The following PDE3A variants were observed in gnomAD, a reference collection of about 807,000 sequenced individuals.
The protein encoded by PDE3A is phosphodiesterase 3A, also known as cGMP-inhibited 3',5'-cyclic phosphodiesterase 3A.
A neutral mutation model predicts 98.3 loss-of-function variants in PDE3A; 43 were observed. That is an observed-to-expected ratio of 0.44 (90% CI 0.34 to 0.56). The LOEUF is 0.56. Ranked by LOEUF, PDE3A falls within the 20% of genes least tolerant of loss-of-function variation. The pLI is 0.01. For synonymous variants in PDE3A, 663 were observed against 567.9 expected (o/e 1.17, Z -2.38); for missense variants, 1,427 against 1,440.7 (o/e 0.99, Z 0.15).
At chr12:20,455,251 G>A (rs1050168726) in intron 1 of PDE3A, among the ~76,000 whole-genome samples, 2 of 152,088 alleles carry the variant, frequency 1.3e-5, no homozygotes, top group African/African-American at 4.8e-5. Flanking sequence ...GTGGCCACGT[G>A]TACGTCTTCT....
chr12:20,399,684 A>G (rs1262284679), intron 1 of PDE3A, among the ~76,000 whole-genome samples: 1 of 152,210 alleles, frequency 6.6e-6, no homozygotes, highest in Non-Finnish European at 1.5e-5. Flanking sequence ...TAAATAACAC[A>G]TTTATTTCAA....
At chr12:20,372,252 C>T (rs775453993) in intron 1 of PDE3A, among the ~76,000 whole-genome samples, 2 of 152,018 alleles carry the variant, frequency 1.3e-5, no homozygotes, top group Non-Finnish European at 1.5e-5. Context: ...AATGCATAAT[C>T]GCAATCTATT....
At chr12:20,525,094 G>A (rs1047086150) in intron 1 of PDE3A, among the ~76,000 whole-genome samples, 1 of 152,150 alleles carries the variant, frequency 6.6e-6, no homozygotes, top group Non-Finnish European at 1.5e-5. Flanking sequence ...ATCCACCATT[G>A]CACTCCAGCC....
chr12:20,568,824 T>A (rs551650254), intron 2 of PDE3A, among the ~76,000 whole-genome samples: 10 of 152,106 alleles, frequency 6.6e-5, no homozygotes, highest in African/African-American at 2.4e-4. Flanking sequence ...TTTTGGGAAT[T>A]TAGAGAATAT....
chr12:20,646,664 T>A (rs1038286942), intron 11 of PDE3A, 61 bp downstream of exon 11: 2 of 1,433,690 alleles, frequency 1.4e-6, no homozygotes, highest in African/African-American at 1.4e-5. Flanking sequence ...GTTTTTGTTT[T>A]TGTTTTTTTT....
intron 1 of PDE3A, among the ~76,000 whole-genome samples, chr12:20,479,359 C>T (rs1322095507): frequency 1.3e-5 from 2 of 152,188 alleles, no homozygotes; most frequent in African/African-American, 2.4e-5. Flanking sequence ...CGTGATTGTA[C>T]TAGTAAGCCC....
intron 1 of PDE3A, among the ~76,000 whole-genome samples, chr12:20,541,903 A>G (rs2121221896): frequency 6.6e-6 from 1 of 152,262 alleles, no homozygotes; most frequent in East Asian, 1.9e-4. Flanking sequence ...TACTTTCTTC[A>G]GCATTTAAGA....
chr12:20,642,583 T>G (rs958199363), intron 10 of PDE3A, among the ~76,000 whole-genome samples: 2 of 152,228 alleles, frequency 1.3e-5, no homozygotes, highest in African/African-American at 2.4e-5. Context: ...AAGAGTTTCC[T>G]CTCTAAAGCA....
At chr12:20,594,981 A>G (rs1431446418) in intron 2 of PDE3A, among the ~76,000 whole-genome samples, 1 of 152,142 alleles carries the variant, frequency 6.6e-6, no homozygotes, top group African/African-American at 2.4e-5. Flanking sequence ...TATATTATAT[A>G]TATACAGTTG....
In PDE3A at chr12:20,653,929, C is replaced by T. The variant is rs1431596992; in HGVS notation, c.2926-18C>T. 6.2e-7 allele frequency: 1 copy of T among 1,609,932 alleles called. No individual in the cohort carries two copies. Among genetic ancestry groups the T allele is most frequent in the South Asian group, 1.1e-5 (1 of 90,554 alleles). ...AGATGCCAGGTGAATGTTGACTTCACTTGTATTTTATTTCTAGGGTGATGA... is the reference window on the plus strand; with the variant it reads ...AGATGCCAGGTGAATGTTGACTTCATTTGTATTTTATTTCTAGGGTGATGA... On this transcript the variant is annotated intron_variant, in intron 14 of 15. Coordinates refer to ENST00000359062, the MANE Select transcript of PDE3A (RefSeq NM_000921.5).
chr12:20,663,541 A>G (rs546825610), intron 15 of PDE3A, among the ~76,000 whole-genome samples: 1 of 152,298 alleles, frequency 6.6e-6, no homozygotes, highest in East Asian at 1.9e-4. Flanking sequence ...GATATGAGAC[A>G]TGGAGTCAAA....
At chr12:20,662,554 G>C (rs1228518510) in intron 15 of PDE3A, among the ~76,000 whole-genome samples, 1 of 152,168 alleles carries the variant, frequency 6.6e-6, no homozygotes, top group Non-Finnish European at 1.5e-5. Flanking sequence ...GGAAACTGGT[G>C]GCATTTTGCT....
At position 20,616,279 on chromosome 12, in the gene PDE3A, C is replaced by G. The variant is rs1473450870; in HGVS notation, c.1319C>G (p.Thr440Ser). 1 of 1,613,962 alleles carries G rather than the reference C, an allele frequency of 6.2e-7. No individual in the cohort carries two copies. Among genetic ancestry groups the G allele is most frequent in the South Asian group, 1.1e-5 (1 of 91,078 alleles). ...PPGLLRRVSS[T>S]WTTTTSATGL... The stretch of plus-strand genomic sequence containing the variant: ...GGCTTGTTGAGACGAGTTTCTTCCA[C>G]TTGGACCACCACCACCTCGGCCACA... The change falls in exon 4 of 16, where the codon ACT becomes AGT. Residue 440 changes from threonine to serine, a missense_variant. Coordinates refer to ENST00000359062, the MANE Select transcript of PDE3A (RefSeq NM_000921.5).
rs998749986 is a variant in PDE3A, at chr12:20,680,916, G to A, written c.*645G>A. On this transcript the variant is annotated 3_prime_UTR_variant, in exon 16 of 16. Transcript: ENST00000359062. ...GGTTTGAGAGGGTGCTTGTGTGCATGTGTGTGCATATGTAAAGAGATTTTT... is the reference window on the plus strand; with the variant it reads ...GGTTTGAGAGGGTGCTTGTGTGCATATGTGTGCATATGTAAAGAGATTTTT... The A allele has an allele frequency of 6.5e-6, 1 of 152,866 alleles. No homozygotes were observed. The highest frequency in any genetic ancestry group is 2.4e-5 in the African/African-American group (1 of 41,388). The allele number at this position is 152,866 out of a possible 1,614,324, so 9.5% of individuals were successfully genotyped here.
intron 1 of PDE3A, among the ~76,000 whole-genome samples, chr12:20,508,415 GTT>G (rs76021385): frequency 7.3e-6 from 1 of 137,746 alleles, no homozygotes; most frequent in Non-Finnish European, 1.6e-5. Context: ...TACCTGGTTT[GTT>G]TTTTTTTTTT....
intron 2 of PDE3A, among the ~76,000 whole-genome samples, chr12:20,607,864 A>AAACTT (rs1943750337): frequency 6.6e-6 from 1 of 152,158 alleles, no homozygotes; most frequent in African/African-American, 2.4e-5. Context: ...GCTTTTATAT[A>AAACTT]AACTTAACAT....
chr12:20,430,894 G>C (rs1944684778), intron 1 of PDE3A, among the ~76,000 whole-genome samples: 2 of 152,130 alleles, frequency 1.3e-5, no homozygotes, highest in South Asian at 2.1e-4. Context: ...TATTGTAAAA[G>C]CTTCTTTAAA....
intron 1 of PDE3A, among the ~76,000 whole-genome samples, chr12:20,404,217 A>C (rs1160482574): frequency 6.6e-6 from 1 of 152,168 alleles, no homozygotes; most frequent in African/African-American, 2.4e-5. Context: ...TTCAAATTTT[A>C]CGATAGTTTT....
At chr12:20,536,311 G>A (rs1335251874) in intron 1 of PDE3A, among the ~76,000 whole-genome samples, 3 of 150,554 alleles carry the variant, frequency 2.0e-5, no homozygotes, top group Non-Finnish European at 3.0e-5. Flanking sequence ...ATGTTTATCA[G>A]GTTTTCCTCA....
Sources: allele counts gnomAD v4.1 joint callset (sites outside exome capture counted in the v4.1 genomes callset), GRCh38; gene constraint gnomAD v4.1.1; transcripts MANE v1.5; gene names NCBI Gene and HGNC (gene_info 2026-07-23, HGNC 2026-07-21).